Variants in SLC3A1 observed in about 807,000 individuals in gnomAD.
SLC3A1 encodes solute carrier family 3 member 1, also known as amino acid transporter heavy chain SLC3A1.
A neutral mutation model predicts 60.3 loss-of-function variants in SLC3A1; 78 were observed. The ratio of observed to expected loss-of-function variants is 1.29; its 90% CI spans 1.08 to 1.56. The LOEUF is 1.56. SLC3A1 is among the 40% of genes most tolerant of loss of function. The pLI, the probability that SLC3A1 is intolerant of heterozygous loss-of-function variation, is 0.00. For synonymous variants in SLC3A1, 392 were observed against 307.9 expected, an observed-to-expected ratio of 1.27 and a Z score of -2.86; for missense variants, 1,172 against 858.9, an observed-to-expected ratio of 1.36 and a Z score of -4.56.
In SLC3A1 at chr2:44,304,281, T is replaced by C. The variant is rs1672096018; in HGVS notation, c.1275T>C (p.Tyr425=). The C allele has an allele frequency of 3.7e-6, 6 of 1,614,212 alleles. No individual in the cohort carries two copies. Among genetic ancestry groups the C allele is most frequent in the South Asian group, 1.1e-5 (1 of 91,088 alleles). Residue 425 remains tyrosine, a synonymous_variant, in exon 7 of 10, where the codon TAT becomes TAC. Transcript: ENST00000260649. Reference sequence around the variant, plus strand: ...ACACTGTTTCTGGGAACAGCGTGTATGAGGTTATCACATCCTGGATGGAAA... The same window carrying C: ...ACACTGTTTCTGGGAACAGCGTGTACGAGGTTATCACATCCTGGATGGAAA... ...MLDTVSGNSV[Y]EVITSWMENM... is the part of the protein sequence containing the mutation.
At chr2:44,321,944 T>A (rs1183320054), downstream of SLC3A1, 2 of 1,572,778 alleles carry the variant, frequency 1.3e-6, no homozygotes, top group Non-Finnish European at 1.7e-6. Flanking sequence ...TTGTATGGGA[T>A]CTTCTTTGGA....
chr2:44,311,576 C>G (rs1672298683), intron 7 of SLC3A1, among the ~76,000 whole-genome samples: 1 of 152,054 alleles, frequency 6.6e-6, no homozygotes, highest in African/African-American at 2.4e-5. Context: ...CAAAGGGTTT[C>G]TTGTCAGAAG....
chr2:44,278,558 G>C (rs899987330), intron 1 of SLC3A1, among the ~76,000 whole-genome samples: 2 of 152,190 alleles, frequency 1.3e-5, no homozygotes, highest in Non-Finnish European at 1.5e-5. Context: ...TTTGGAATTA[G>C]TGACCTTCAG....
intron 7 of SLC3A1, among the ~76,000 whole-genome samples, chr2:44,307,275 T>TTA (rs1672181680): frequency 6.6e-6 from 1 of 152,218 alleles, no homozygotes; most frequent in Non-Finnish European, 1.5e-5. Flanking sequence ...TTTTGGACTA[T>TTA]TACGAATAGT....
chr2:44,318,182 C>T (rs2104398493), intron 9 of SLC3A1: 1 of 430,636 alleles, frequency 2.3e-6, no homozygotes, highest in African/African-American at 2.1e-5. Context: ...CCTCTGCTTC[C>T]TGGGTTCAAG....
At chr2:44,280,664 C>A (rs908216781) in intron 1 of SLC3A1, 52 bp from the exon 2 acceptor site, 1 of 1,295,970 alleles carries the variant, frequency 7.7e-7, no homozygotes, top group Non-Finnish European at 1.1e-6. Flanking sequence ...ATTTTTTGTC[C>A]TTTAACTAAA....
At chr2:44,316,522 G>C (rs1672462811) in intron 9 of SLC3A1, 1 of 152,156 alleles carries the variant, frequency 6.6e-6, no homozygotes, top group Non-Finnish European at 1.5e-5. Context: ...CGTACATGCA[G>C]TAACAACAAT....
chr2:44,318,561 C>G (rs929354881), intron 9 of SLC3A1: 2 of 152,330 alleles, frequency 1.3e-5, no homozygotes, highest in African/African-American at 4.9e-5. Context: ...AGAATGGTAA[C>G]ATATCACCAA....
At chr2:44,290,682 A>G (rs1310689257) in intron 4 of SLC3A1, among the ~76,000 whole-genome samples, 1 of 68,880 alleles carries the variant, frequency 1.5e-5, no homozygotes, top group Non-Finnish European at 3.0e-5. Flanking sequence ...TATTTTTAAG[A>G]CTTTTTTTTT....
At position 44,275,723 on chromosome 2, in the gene SLC3A1, A is replaced by G. The variant is rs2104325649; in HGVS notation, c.188A>G (p.Gln63Arg). 6.2e-7 allele frequency: 1 copy of G among 1,614,214 alleles called. No individual in the cohort carries two copies. The highest frequency in any genetic ancestry group is 8.5e-7 in the Non-Finnish European group (1 of 1,180,006). The change falls in exon 1 of 10, where the codon CAG (glutamine) becomes CGG (arginine). Residue 63 changes from glutamine to arginine, a missense_variant. Physicochemically the swap from Gln to Arg is conservative, Grantham distance 43. Coordinates refer to ENST00000260649, the MANE Select transcript of SLC3A1 (RefSeq NM_000341.4). ...CAGGAGCCCGACTTCAAGGGCGTCCAGCCCTATGCGGGGATGCCCAAGGAG... is the reference window on the plus strand; with the variant it reads ...CAGGAGCCCGACTTCAAGGGCGTCCGGCCCTATGCGGGGATGCCCAAGGAG... ...GSQEPDFKGV[Q>R]PYAGMPKEVL...
intron 1 of SLC3A1, among the ~76,000 whole-genome samples, chr2:44,276,259 G>T (rs564107222): frequency 6.6e-5 from 10 of 152,290 alleles, no homozygotes; most frequent in Non-Finnish European, 1.5e-4. Flanking sequence ...ACTTCTTAGA[G>T]CAGCCTTCCT....
chr2:44,318,995 C>T (rs1672687165), intron 9 of SLC3A1: 1 of 152,204 alleles, frequency 6.6e-6, no homozygotes, highest in Non-Finnish European at 1.5e-5. Context: ...ACAATAATAG[C>T]TAACACTTAC....
At chr2:44,276,715 A>AC (rs1291193119) in intron 1 of SLC3A1, among the ~76,000 whole-genome samples, 4 of 152,168 alleles carry the variant, frequency 2.6e-5, no homozygotes, top group Non-Finnish European at 5.9e-5. Flanking sequence ...GAAAAAAAAA[A>AC]AAGTGAAAAA....
chr2:44,296,069 A>G (rs754311471), intron 4 of SLC3A1, among the ~76,000 whole-genome samples: 1 of 152,224 alleles, frequency 6.6e-6, no homozygotes, highest in Admixed American at 6.5e-5. Flanking sequence ...GGTTAGCTTC[A>G]TAGTAAGGTC....
chr2:44,312,153 T>G (rs1672313516), intron 7 of SLC3A1, among the ~76,000 whole-genome samples: 1 of 152,178 alleles, frequency 6.6e-6, no homozygotes, highest in Non-Finnish European at 1.5e-5. Context: ...AAAAGTTGAT[T>G]TACTTTAAAA....
Position 44,320,401 on chromosome 2 carries a change from T to A in SLC3A1, c.1820T>A (p.Leu607Gln). ...LNFGESTLLNLHNMISGLPAK... is the reference protein window; with the variant it reads ...LNFGESTLLNQHNMISGLPAK... ...TTTGGAGAATCAACACTGTTAAATC[T>A]ACATAATATGATTTCGGGCCTTCCC... The change falls in exon 10 of 10, where the codon CTA becomes CAA. Residue 607 changes from leucine (L) to glutamine (Q), a missense_variant. Coordinates refer to ENST00000260649, the MANE Select transcript of SLC3A1 (RefSeq NM_000341.4). 3.7e-6 allele frequency: 6 copies of A among 1,614,078 alleles called. No homozygotes were observed. The highest frequency in any genetic ancestry group is 5.1e-6 in the Non-Finnish European group (6 of 1,179,912).
At chr2:44,279,845 G>A (rs1337357622) in intron 1 of SLC3A1, among the ~76,000 whole-genome samples, 8 of 152,066 alleles carry the variant, frequency 5.3e-5, no homozygotes, top group South Asian at 2.1e-4. Flanking sequence ...TTACAGGCAC[G>A]TGCCACCATG....
chr2:44,319,014 T>A (rs1672689788), intron 9 of SLC3A1: 1 of 152,214 alleles, frequency 6.6e-6, no homozygotes, highest in Non-Finnish European at 1.5e-5. Context: ...ACCGGGCACT[T>A]CTTATGTGAG....
At chr2:44,286,209 T>C in intron 4 of SLC3A1, 52 bp downstream of exon 4, 2 of 1,552,296 alleles carry the variant, frequency 1.3e-6, no homozygotes, top group Non-Finnish European at 1.8e-6. Flanking sequence ...TTTAGGTATT[T>C]ATTTAAAACA....
Sources: gnomAD v4.1 joint callset for allele counts (sites outside exome capture counted in the v4.1 genomes callset) on GRCh38, gnomAD v4.1.1 for gene constraint, MANE v1.5 for transcripts, NCBI Gene and HGNC (gene_info 2026-07-23, HGNC 2026-07-21) for gene names.